TMEM116: variants seen among roughly 807,000 people sequenced by gnomAD.
TMEM116 encodes the protein transmembrane protein 116.
A neutral mutation model predicts 44.3 loss-of-function variants in TMEM116; 38 were observed. That is an observed-to-expected ratio of 0.86 (90% confidence interval 0.66 to 1.12). TMEM116 has a LOEUF of 1.12. Ranked by LOEUF, TMEM116 falls within the 50% of genes most tolerant of loss-of-function variation. The pLI is 0.00. For missense variants in TMEM116, 354 were observed against 401.7 expected, an observed-to-expected ratio of 0.88 and a Z score of 1.01; for synonymous variants, 132 against 144.8, an observed-to-expected ratio of 0.91 and a Z score of 0.64.
chr12:111,959,797 G>A (rs1455819935), intron 4 of TMEM116, among the ~76,000 whole-genome samples: 1 of 152,188 alleles, frequency 6.6e-6, no homozygotes, highest in East Asian at 1.9e-4. Flanking sequence ...AATGCAACAA[G>A]AAGAGCTAAC....
intron 9 of TMEM116, among the ~76,000 whole-genome samples, chr12:111,932,973 G>T (rs1010297555): frequency 6.6e-6 from 1 of 152,194 alleles, no homozygotes; most frequent in Non-Finnish European, 1.5e-5. Flanking sequence ...GGGCGCAGTG[G>T]CTCATGCCTA....
chr12:111,940,558 T>C (rs2072717132), intron 5 of TMEM116, among the ~76,000 whole-genome samples: 3 of 133,974 alleles, frequency 2.2e-5, no homozygotes, highest in Admixed American at 1.6e-4. Flanking sequence ...CACACACATA[T>C]ATATGTGTGT....
chr12:111,991,259 A>G (rs997244690), intron 4 of TMEM116, among the ~76,000 whole-genome samples: 4 of 146,330 alleles, frequency 2.7e-5, no homozygotes, highest in African/African-American at 1.0e-4. Flanking sequence ...GCGGTGGCTC[A>G]TGCCTGTAAT....
At chr12:111,995,675 T>G (rs775679411) in intron 3 of TMEM116, among the ~76,000 whole-genome samples, 7 of 149,878 alleles carry the variant, frequency 4.7e-5, no homozygotes, top group Non-Finnish European at 8.9e-5. Context: ...GAGGCGGAGG[T>G]TGCAGTGAGC....
chr12:111,962,253 T>C (rs1418660139), intron 4 of TMEM116, among the ~76,000 whole-genome samples: 1 of 152,104 alleles, frequency 6.6e-6, no homozygotes, highest in Non-Finnish European at 1.5e-5. Flanking sequence ...AAAGTAATTA[T>C]AGATTCAATG....
chr12:111,968,762 G>T (rs2075129180), intron 4 of TMEM116, among the ~76,000 whole-genome samples: 1 of 152,098 alleles, frequency 6.6e-6, no homozygotes. Flanking sequence ...GGAGGCTGAG[G>T]CAGGTGGATC....
chr12:111,949,533 T>C (rs1277290662), intron 4 of TMEM116, among the ~76,000 whole-genome samples: 6 of 152,246 alleles, frequency 3.9e-5, no homozygotes, highest in Admixed American at 3.3e-4. Context: ...GCTGCACTTA[T>C]ATTAATGATC....
At chr12:111,971,812 T>C (rs1010517076) in intron 4 of TMEM116, among the ~76,000 whole-genome samples, 3 of 152,098 alleles carry the variant, frequency 2.0e-5, no homozygotes, top group Admixed American at 6.5e-5. Flanking sequence ...CAGTGGCTCA[T>C]GCCTGTAATC....
chr12:111,961,974 T>C (rs2074621718), intron 4 of TMEM116, among the ~76,000 whole-genome samples: 1 of 152,196 alleles, frequency 6.6e-6, no homozygotes, highest in African/African-American at 2.4e-5. Context: ...AAGCAAAGTC[T>C]CAGGATACAA....
chr12:112,005,845 G>T, intron 1 of TMEM116: 1 of 897,644 alleles, frequency 1.1e-6, no homozygotes, highest in Non-Finnish European at 1.3e-6. Flanking sequence ...CAGAGAAACT[G>T]AAGAAAAGTT....
chr12:111,947,356 G>A lies in TMEM116; in HGVS notation c.211-3987C>T, dbSNP rs1264470209. Among the ~76,000 whole-genome samples, 11 of 152,066 alleles carry A rather than the reference G, an allele frequency of 7.2e-5. No individual in the cohort carries two copies. In the East Asian group the frequency reaches 2.1e-3, roughly 29 times the overall value. ...TTTTTTGACTTCAAACTAACTTTGG[G>A]TTATTCCATTTGGCCTCAGAACTTC... On this transcript the variant is annotated intron_variant, in intron 4 of 10. Coordinates refer to ENST00000552374, the MANE Select transcript of TMEM116 (RefSeq NM_001193531.2).
chr12:111,957,314 G>A (rs987079004), intron 4 of TMEM116, among the ~76,000 whole-genome samples: 6 of 151,902 alleles, frequency 3.9e-5, no homozygotes, highest in Non-Finnish European at 5.9e-5. Context: ...TCTCTGCCCC[G>A]CCGCCACCCC....
chr12:111,953,460 T>C (rs2073879846), intron 4 of TMEM116, among the ~76,000 whole-genome samples: 2 of 152,194 alleles, frequency 1.3e-5, no homozygotes, highest in African/African-American at 4.8e-5. Flanking sequence ...GTCAAATCCC[T>C]GACAAATGGA....
At chr12:111,992,483 AC>A (rs1188516182) in intron 3 of TMEM116, among the ~76,000 whole-genome samples, 1 of 152,050 alleles carries the variant, frequency 6.6e-6, no homozygotes, top group Non-Finnish European at 1.5e-5. Context: ...GTTAGCCAGG[AC>A]GGTCTCGATC....
At chr12:111,993,340 C>T (rs1298422516) in intron 3 of TMEM116, 4 of 510,444 alleles carry the variant, frequency 7.8e-6, no homozygotes, top group South Asian at 4.6e-5. Flanking sequence ...GGTGTTCATT[C>T]TTTGGCTAAA....
At position 112,013,037 on chromosome 12, in the gene TMEM116, G is replaced by A. The variant is rs1294788660; in HGVS notation, c.-69C>T. ...AGCGGGTCCCAACCAACTGCCTGACGGCCCAAAGGCAGGAAGAAACGATGG... is the reference window on the plus strand; with the variant it reads ...AGCGGGTCCCAACCAACTGCCTGACAGCCCAAAGGCAGGAAGAAACGATGG... On this transcript the variant is annotated 5_prime_UTR_variant, in exon 1 of 11. Transcript: ENST00000552374. The A allele has an allele frequency of 6.1e-6, 1 of 164,036 alleles. No individual in the cohort carries two copies. Among genetic ancestry groups the A allele is most frequent in the Non-Finnish European group, 1.3e-5 (1 of 74,322 alleles). 10.2% of individuals were successfully genotyped at this position (164,036 alleles called of 1,614,324 possible).
Position 112,012,993 on chromosome 12 carries a change from T to C in TMEM116, c.-34+9A>G, listed in dbSNP as rs1184517644. On this transcript the variant is annotated intron_variant, in intron 1 of 10. Coordinates refer to ENST00000552374, the MANE Select transcript of TMEM116 (RefSeq NM_001193531.2). ...GAGAATAACGGCTGAACTTGACTAA[T>C]AGACTGACCGAGGGTTGGAGCGGGT... The C allele has an allele frequency of 2.5e-5, 4 of 157,518 alleles. No individual in the cohort carries two copies. The highest frequency in any genetic ancestry group is 4.3e-5 in the Non-Finnish European group (3 of 69,724). The allele number at this position is 157,518 out of a possible 1,614,324, so 9.8% of individuals were successfully genotyped here.
intron 4 of TMEM116, among the ~76,000 whole-genome samples, chr12:111,958,263 T>A (rs1370907696): frequency 1.6e-5 from 1 of 61,944 alleles, no homozygotes; most frequent in Non-Finnish European, 3.1e-5. Context: ...CACCCACGAA[T>A]GATCAATAAA....
chr12:111,944,035 A>T (rs2073062938), intron 4 of TMEM116, among the ~76,000 whole-genome samples: 1 of 152,146 alleles, frequency 6.6e-6, no homozygotes, highest in South Asian at 2.1e-4. Context: ...TAGTAATGAC[A>T]GGCTAAGCTA....
Sources: allele counts gnomAD v4.1 joint callset (sites outside exome capture counted in the v4.1 genomes callset), GRCh38; gene constraint gnomAD v4.1.1; transcripts MANE v1.5; gene names NCBI Gene and HGNC (gene_info 2026-07-23, HGNC 2026-07-21).